Variants in ASAP2 observed in about 807,000 individuals in gnomAD.
ASAP2 encodes the protein arf-GAP with SH3 domain, ANK repeat and PH domain-containing protein 2.
Under a neutral mutation model 131.4 loss-of-function variants are expected in ASAP2, and 45 were observed. The observed-to-expected ratio is 0.34, with a 90% confidence interval of 0.27 to 0.44. The LOEUF is 0.44. Ranked by LOEUF, ASAP2 falls within the 20% of genes least tolerant of loss-of-function variation. The pLI is 1.00. For synonymous variants in ASAP2, 510 were observed against 503.0 expected, an observed-to-expected ratio of 1.01 and a Z score of -0.19; for missense variants, 1,011 against 1,297.0, an observed-to-expected ratio of 0.78 and a Z score of 3.39.
At chr2:9,394,525 A>T (rs548965956) in intron 24 of ASAP2, among the ~76,000 whole-genome samples, 3 of 152,066 alleles carry the variant, frequency 2.0e-5, no homozygotes, top group Non-Finnish European at 2.9e-5. Context: ...AGTGGAAATG[A>T]TATTTAGAGG....
At chr2:9,292,312 G>T (rs1667867064) in intron 2 of ASAP2, among the ~76,000 whole-genome samples, 1 of 152,098 alleles carries the variant, frequency 6.6e-6, no homozygotes, top group Non-Finnish European at 1.5e-5. Flanking sequence ...GAGATCAGGA[G>T]TTCAAGACCA....
In ASAP2 at chr2:9,362,694, T is replaced by C. The variant is rs548417608; in HGVS notation, c.1461+3805T>C. Among the ~76,000 whole-genome samples the C allele has an allele frequency of 1.1e-4, 17 of 152,164 alleles. No individual in the cohort carries two copies. The South Asian group carries it at 3.5e-3, about 32-fold the overall frequency. On this transcript the variant is annotated intron_variant, in intron 15 of 27. Transcript: ENST00000281419. ...ATCTCTACAAATAATTTTTTAAAAC[T>C]AGCTGGGAGTGGTGGCAAGTACCTG...
At chr2:9,319,437 G>A (rs988405635) in intron 4 of ASAP2, among the ~76,000 whole-genome samples, 5 of 152,286 alleles carry the variant, frequency 3.3e-5, no homozygotes, top group East Asian at 1.9e-4. Context: ...ATTCCCCATC[G>A]AGCCTTCAGG....
intron 3 of ASAP2, among the ~76,000 whole-genome samples, chr2:9,301,055 TC>T (rs1668443682): frequency 1.3e-5 from 2 of 152,260 alleles, no homozygotes; most frequent in African/African-American, 4.8e-5. Context: ...ATGGCGGAAG[TC>T]TCCTTTTTTG....
chr2:9,318,317 G>T (rs186930139), intron 3 of ASAP2, among the ~76,000 whole-genome samples: 13 of 152,198 alleles, frequency 8.5e-5, no homozygotes. Flanking sequence ...AATATATACA[G>T]ACCTAGACTT....
chr2:9,274,402 A>G (rs1485327532), intron 1 of ASAP2, among the ~76,000 whole-genome samples: 2 of 143,478 alleles, frequency 1.4e-5, no homozygotes, highest in Non-Finnish European at 3.0e-5. Flanking sequence ...CGCTCACTGC[A>G]ACCTTTGTCC....
intron 1 of ASAP2, among the ~76,000 whole-genome samples, chr2:9,273,955 C>A (rs776709936): frequency 6.6e-6 from 1 of 152,226 alleles, no homozygotes; most frequent in Non-Finnish European, 1.5e-5. Flanking sequence ...GGGCCATTGT[C>A]ATCTTTGTTT....
chr2:9,270,785 A>ATCTTTTTTTTTTTTTTTT (rs1666298545), intron 1 of ASAP2, among the ~76,000 whole-genome samples: 1 of 52,924 alleles, frequency 1.9e-5, no homozygotes, highest in Non-Finnish European at 3.5e-5. Flanking sequence ...AATTGTTTTC[A>ATCTTTTTTTTTTTTTTTT]TTTTTTTTTT....
chr2:9,209,493 T>A (rs933710635), intron 1 of ASAP2, among the ~76,000 whole-genome samples: 2 of 152,262 alleles, frequency 1.3e-5, no homozygotes, highest in African/African-American at 2.4e-5. Context: ...GTTACTCATT[T>A]AACAAATAAA....
chr2:9,278,270 T>TG (rs1315624050), intron 1 of ASAP2, among the ~76,000 whole-genome samples: 1 of 152,076 alleles, frequency 6.6e-6, no homozygotes, highest in Non-Finnish European at 1.5e-5. Context: ...CCCAGCATGT[T>TG]GGGAGGTTGA....
At chr2:9,370,428 T>C (rs1434225619) in intron 16 of ASAP2, among the ~76,000 whole-genome samples, 3 of 152,230 alleles carry the variant, frequency 2.0e-5, no homozygotes, top group African/African-American at 7.2e-5. Context: ...ATACCAGGCA[T>C]GAGGTTGACA....
intron 22 of ASAP2, 93 bp from the exon 23 acceptor site, chr2:9,390,969 G>A: frequency 6.3e-7 from 1 of 1,587,100 alleles, no homozygotes; most frequent in South Asian, 1.1e-5. Context: ...ATAAGGGGGA[G>A]GATCAATAAC....
intron 3 of ASAP2, among the ~76,000 whole-genome samples, chr2:9,312,991 G>A (rs1325740053): frequency 1.3e-5 from 2 of 152,200 alleles, no homozygotes; most frequent in Admixed American, 1.3e-4. Context: ...CCTGGGAGGT[G>A]GAGGTTGCAG....
intron 2 of ASAP2, among the ~76,000 whole-genome samples, chr2:9,280,384 G>A (rs1369661787): frequency 2.0e-5 from 3 of 151,644 alleles, no homozygotes; most frequent in African/African-American, 7.3e-5. Context: ...ACAATAGGGC[G>A]GGCACAAGCT....
At chr2:9,375,083 A>G (rs1365723206) in intron 17 of ASAP2, 139 bp downstream of exon 17, 3 of 529,432 alleles carry the variant, frequency 5.7e-6, no homozygotes, top group Non-Finnish European at 8.9e-6. Flanking sequence ...CAGCCTGGGC[A>G]CCATAGGGAG....
chr2:9,323,359 A>G, intron 6 of ASAP2, 109 bp downstream of exon 6: 14 of 1,464,962 alleles, frequency 9.6e-6, no homozygotes, highest in Admixed American at 2.1e-5. Context: ...CACCACATGC[A>G]TTGCTGGACT....
intron 3 of ASAP2, among the ~76,000 whole-genome samples, chr2:9,312,667 G>GT (rs1481862377): frequency 6.6e-6 from 1 of 152,156 alleles, no homozygotes; most frequent in African/African-American, 2.4e-5. Context: ...GGCTCTCAGA[G>GT]TTTCCACTTG....
At chr2:9,258,244 C>CAAAA (rs34722605) in intron 1 of ASAP2, among the ~76,000 whole-genome samples, 3 of 129,672 alleles carry the variant, frequency 2.3e-5, no homozygotes, top group African/African-American at 8.4e-5. Flanking sequence ...TACTTCATCT[C>CAAAA]AAAAAAAAAA....
chr2:9,368,561 T>A (rs369860524), intron 16 of ASAP2, 42 bp downstream of exon 16: 185 of 1,575,588 alleles, frequency 1.2e-4, no homozygotes, highest in Non-Finnish European at 1.5e-4. Context: ...GAGTAAAGGT[T>A]TGCCTTTGCC....
Sources: gnomAD v4.1 joint callset for allele counts (sites outside exome capture counted in the v4.1 genomes callset) on GRCh38, gnomAD v4.1.1 for gene constraint, MANE v1.5 for transcripts, NCBI Gene and HGNC (gene_info 2026-07-23, HGNC 2026-07-21) for gene names.